ZDHHC7: variants seen among roughly 807,000 people sequenced by gnomAD.
The protein encoded by ZDHHC7 is palmitoyltransferase ZDHHC7.
ZDHHC7 carries 12 observed loss-of-function variants against 34.1 expected under a neutral mutation model. That is an observed-to-expected ratio of 0.35 (90% CI 0.23 to 0.57). ZDHHC7 has a LOEUF of 0.57. Among genes scored for constraint, ZDHHC7 ranks in the 20% least tolerant of loss-of-function variants. The probability of loss-of-function intolerance (pLI) is 0.84; values close to 1 mark genes in which losing one functional copy is unlikely to be tolerated. For missense variants in ZDHHC7, 388 were observed against 402.7 expected (o/e 0.96, Z 0.31); for synonymous variants, 185 against 155.4 (o/e 1.19, Z -1.42).
the ZDHHC7 span, among the ~76,000 whole-genome samples, chr16:85,017,367 G>C: frequency 6.6e-6 from 1 of 152,058 alleles, no homozygotes; most frequent in Non-Finnish European, 1.5e-5. Flanking sequence ...CCAAGGGTTG[G>C]CCAAACGCGG....
At chr16:85,003,769 C>A (rs2072681806) in intron 1 of ZDHHC7, among the ~76,000 whole-genome samples, 1 of 152,070 alleles carries the variant, frequency 6.6e-6, no homozygotes, top group African/African-American at 2.4e-5. Flanking sequence ...CACTGCAGAT[C>A]AAAAACATGG....
chr16:85,024,071 C>T, the ZDHHC7 span, among the ~76,000 whole-genome samples: 1 of 152,020 alleles, frequency 6.6e-6, no homozygotes, highest in East Asian at 1.9e-4. Flanking sequence ...GCATGTGCCA[C>T]CACGCTTGAC....
intron 3 of ZDHHC7, among the ~76,000 whole-genome samples, chr16:84,982,620 T>C (rs1025858604): frequency 2.6e-5 from 4 of 152,198 alleles, no homozygotes; most frequent in African/African-American, 4.8e-5. Context: ...CAAAAAGGAC[T>C]TTAATTTCGT....
In ZDHHC7 at chr16:85,011,511, G is replaced by C. The variant is rs565993017; in HGVS notation, c.-329C>G. 6.6e-6 allele frequency: 1 copy of C among 152,244 alleles called. No individual in the cohort carries two copies. The highest frequency in any genetic ancestry group is 1.9e-4 in the East Asian group (1 of 5,200). The allele number at this position is 152,244 out of a possible 1,614,324, so 9.4% of individuals were successfully genotyped here. On this transcript the variant is annotated 5_prime_UTR_variant, in exon 1 of 8. Coordinates refer to ENST00000313732, the MANE Select transcript of ZDHHC7 (RefSeq NM_017740.3). ...CTCAGCCCGGAGCCTTGGCTGGAGA[G>C]CGGGGCGGTGCGAGCGCCGGAAGTG...
At chr16:85,004,733 G>C (rs1427347842) in intron 1 of ZDHHC7, among the ~76,000 whole-genome samples, 1 of 152,188 alleles carries the variant, frequency 6.6e-6, no homozygotes, top group Non-Finnish European at 1.5e-5. Context: ...AAGGGAAGGA[G>C]GGTGCTTGAG....
chr16:84,997,086 G>A (rs1028398520), intron 1 of ZDHHC7, among the ~76,000 whole-genome samples: 2 of 151,666 alleles, frequency 1.3e-5, no homozygotes, highest in East Asian at 3.9e-4. Context: ...CAGAAATGAA[G>A]GGTAAGAGTC....
chr16:85,012,702 C>A (rs965300922), upstream of ZDHHC7, among the ~76,000 whole-genome samples: 2 of 152,022 alleles, frequency 1.3e-5, no homozygotes, highest in Non-Finnish European at 2.9e-5. Flanking sequence ...GTCAGGAGTT[C>A]GAAACTATCC....
At chr16:84,983,549 T>C (rs1035580500) in intron 3 of ZDHHC7, among the ~76,000 whole-genome samples, 2 of 152,148 alleles carry the variant, frequency 1.3e-5, no homozygotes, top group African/African-American at 4.8e-5. Flanking sequence ...AAACCTCCCC[T>C]GAGGTTTACT....
rs2072293659 is a variant in ZDHHC7, at chr16:84,976,138, C to A, written c.*205G>T. ...TTGGCTTCTTCGTGTGGCCACACAC[C>A]TTTCCGTTGTTGTACAGGTGGGGAC... On this transcript the variant is annotated 3_prime_UTR_variant, in exon 8 of 8. Coordinates refer to ENST00000313732, the MANE Select transcript of ZDHHC7 (RefSeq NM_017740.3). The A allele has an allele frequency of 9.2e-6, 6 of 653,952 alleles. No individual in the cohort carries two copies. Among genetic ancestry groups the A allele is most frequent in the Non-Finnish European group, 1.5e-5 (6 of 399,456 alleles). The allele number at this position is 653,952 out of a possible 1,614,324, so 40.5% of individuals were successfully genotyped here.
the ZDHHC7 span, among the ~76,000 whole-genome samples, chr16:85,021,828 G>C: frequency 6.6e-6 from 1 of 151,670 alleles, no homozygotes; most frequent in East Asian, 1.9e-4. Context: ...AGAAAAGAGA[G>C]CCCTCCAGCT....
chr16:85,022,528 TAAG>T, the ZDHHC7 span, among the ~76,000 whole-genome samples: 4 of 151,876 alleles, frequency 2.6e-5, no homozygotes, highest in South Asian at 2.1e-4. Context: ...GTCTTAATAA[TAAG>T]AAGAAGGAGA....
chr16:85,008,055 G>A (rs1283511395), intron 1 of ZDHHC7, among the ~76,000 whole-genome samples: 2 of 152,020 alleles, frequency 1.3e-5, no homozygotes, highest in African/African-American at 2.4e-5. Context: ...GATCAAGGCT[G>A]TAGTGAGCCA....
upstream of ZDHHC7, among the ~76,000 whole-genome samples, chr16:85,012,411 A>T (rs185152789): frequency 0.012 from 1,797 of 150,032 alleles, 13 homozygotes; most frequent in African/African-American, 0.021. Flanking sequence ...TCTTTTTTTT[A>T]AAATAAAATT....
chr16:84,984,457 T>A (rs1234069938), intron 3 of ZDHHC7, among the ~76,000 whole-genome samples: 1 of 152,114 alleles, frequency 6.6e-6, no homozygotes, highest in African/African-American at 2.4e-5. Flanking sequence ...ATGGGCCAGA[T>A]TTTAAAACTC....
chr16:85,026,455 T>C, the ZDHHC7 span, among the ~76,000 whole-genome samples: 2 of 152,066 alleles, frequency 1.3e-5, no homozygotes, highest in East Asian at 3.9e-4. Context: ...ACCCAGTTGG[T>C]CAAACAAATC....
At position 84,977,165 on chromosome 16, in the gene ZDHHC7, C is replaced by T; in HGVS notation, c.680G>A (p.Gly227Asp). The T allele has an allele frequency of 6.2e-7, 1 of 1,614,104 alleles. No individual in the cohort carries two copies. The highest frequency in any genetic ancestry group is 8.5e-7 in the Non-Finnish European group (1 of 1,180,030). ...VILLIFLCLE[G>D]LLFFTFTAVM... is the part of the protein sequence containing the mutation. Reference sequence around the variant, plus strand: ...TGCAGTGAAAGTGAAAAACAGAAGACCCTCAAGGCACAGGAAGATCAACAG... The same window carrying T: ...TGCAGTGAAAGTGAAAAACAGAAGATCCTCAAGGCACAGGAAGATCAACAG... Residue 227 changes from glycine (G) to aspartate (D), a missense_variant, in exon 7 of 8, where the codon GGT becomes GAT. Coordinates refer to ENST00000313732, the MANE Select transcript of ZDHHC7 (RefSeq NM_017740.3).
chr16:85,002,039 G>A (rs2072660029), intron 1 of ZDHHC7, among the ~76,000 whole-genome samples: 1 of 152,064 alleles, frequency 6.6e-6, no homozygotes, highest in African/African-American at 2.4e-5. Context: ...AAGGGATATA[G>A]GAACCAAGTA....
intron 1 of ZDHHC7, among the ~76,000 whole-genome samples, chr16:85,006,988 C>A (rs1185819418): frequency 1.3e-5 from 2 of 151,746 alleles, no homozygotes; most frequent in Non-Finnish European, 2.9e-5. Flanking sequence ...TTTCAAGCAC[C>A]CACTACCTAT....
chr16:84,992,608 G>C (rs958561357), intron 2 of ZDHHC7, among the ~76,000 whole-genome samples: 2 of 152,210 alleles, frequency 1.3e-5, no homozygotes, highest in African/African-American at 4.8e-5. Context: ...GGAAGAGACA[G>C]TCAATTTCAC....
Sources: gnomAD v4.1 joint callset for allele counts (sites outside exome capture counted in the v4.1 genomes callset) on GRCh38, gnomAD v4.1.1 for gene constraint, MANE v1.5 for transcripts, NCBI Gene and HGNC (gene_info 2026-07-23, HGNC 2026-07-21) for gene names.